Variants in MED26 observed in about 807,000 individuals in gnomAD.
The protein encoded by MED26 is mediator of RNA polymerase II transcription subunit 26.
A neutral mutation model predicts 43.7 loss-of-function variants in MED26; 7 were observed. That is an observed-to-expected ratio of 0.16 (90% CI 0.09 to 0.30). The LOEUF (loss-of-function observed/expected upper bound fraction) is 0.30, where lower values mean the gene tolerates loss of function less well. Among genes scored for constraint, MED26 ranks in the 10% least tolerant of loss-of-function variants. MED26 has a pLI of 1.00. For missense variants in MED26, 784 were observed against 840.6 expected (o/e 0.93, Z 0.83); for synonymous variants, 375 against 371.1 (o/e 1.01, Z -0.12).
intron 1 of MED26, among the ~76,000 whole-genome samples, chr19:16,584,252 C>CA (rs1017802282): frequency 4.8e-5 from 6 of 124,780 alleles, no homozygotes; most frequent in Admixed American, 8.6e-5. Context: ...GACTCCGTCT[C>CA]AAAAAAAAGA....
At chr19:16,578,201 G>T (rs751954141) in intron 2 of MED26, 134 bp downstream of exon 2, 2 of 854,464 alleles carry the variant, frequency 2.3e-6, no homozygotes, top group Non-Finnish European at 3.9e-6. Flanking sequence ...GGCACGAGCT[G>T]TGAGGGCACA....
intron 1 of MED26, among the ~76,000 whole-genome samples, chr19:16,610,009 G>A (rs900361328): frequency 1.4e-4 from 21 of 149,690 alleles, no homozygotes; most frequent in Non-Finnish European, 1.9e-4. Context: ...GGGTGTGGTC[G>A]CTCACACATG....
chr19:16,603,189 C>T (rs1370857773), intron 1 of MED26, among the ~76,000 whole-genome samples: 5 of 152,158 alleles, frequency 3.3e-5, no homozygotes, highest in African/African-American at 1.2e-4. Context: ...AATAAATGGA[C>T]AGGGCAGCCA....
chr19:16,590,546 G>C (rs1428124032), intron 1 of MED26, among the ~76,000 whole-genome samples: 1 of 152,084 alleles, frequency 6.6e-6, no homozygotes, highest in Admixed American at 6.5e-5. Flanking sequence ...TGATTATAAG[G>C]CTTTTCATTT....
chr19:16,608,895 T>C (rs1002240181), intron 1 of MED26, among the ~76,000 whole-genome samples: 1 of 152,208 alleles, frequency 6.6e-6, no homozygotes, highest in African/African-American at 2.4e-5. Context: ...CAATTAAACT[T>C]AAAAAGCGTG....
chr19:16,579,062 C>G (rs2086029576), intron 1 of MED26, among the ~76,000 whole-genome samples: 1 of 152,132 alleles, frequency 6.6e-6, no homozygotes, highest in African/African-American at 2.4e-5. Context: ...GACCACACCA[C>G]TGCACTCCAG....
At chr19:16,584,085 CAT>C (rs2086058934) in intron 1 of MED26, among the ~76,000 whole-genome samples, 3 of 152,110 alleles carry the variant, frequency 2.0e-5, no homozygotes, top group East Asian at 3.9e-4. Flanking sequence ...CATCCTTCCA[CAT>C]GAGAACTTAA....
chr19:16,578,795 C>T (rs192372501), intron 1 of MED26: 32 of 215,716 alleles, frequency 1.5e-4, no homozygotes, highest in Non-Finnish European at 2.6e-4. Flanking sequence ...GAATAAAATC[C>T]ACAAAGCTTA....
rs1186717267 is a variant in MED26, at chr19:16,575,914, A to G, written c.*113T>C. On this transcript the variant is annotated 3_prime_UTR_variant, in exon 3 of 3. Coordinates refer to ENST00000263390, the MANE Select transcript of MED26 (RefSeq NM_004831.5). ...GCCCCCTCCCTCCCGCCTGGGCCGG[A>G]CTCCCCGAGTTCCCAGCGCAGGAGG... The G allele has an allele frequency of 3.5e-6, 3 of 859,360 alleles. No homozygotes were observed. The highest frequency in any genetic ancestry group is 5.4e-6 in the Non-Finnish European group (3 of 558,824). 53.2% of individuals were successfully genotyped at this position (859,360 alleles called of 1,614,324 possible). A position where few individuals can be genotyped will look rare whatever the true frequency, so the allele number is the denominator to read the frequency against.
intron 1 of MED26, among the ~76,000 whole-genome samples, chr19:16,592,446 T>G (rs1299121578): frequency 6.6e-6 from 1 of 152,142 alleles, no homozygotes; most frequent in Non-Finnish European, 1.5e-5. Flanking sequence ...TCCAGGCTGG[T>G]GGGGGACGTA....
At chr19:16,622,730 T>C (rs1044359470) in intron 1 of MED26, among the ~76,000 whole-genome samples, 1 of 152,134 alleles carries the variant, frequency 6.6e-6, no homozygotes, top group Non-Finnish European at 1.5e-5. Flanking sequence ...TGGGACAGCC[T>C]ACCACTAGGA....
intron 1 of MED26, among the ~76,000 whole-genome samples, chr19:16,605,462 T>C (rs930604868): frequency 1.8e-4 from 27 of 151,880 alleles, no homozygotes; most frequent in Non-Finnish European, 3.7e-4. Context: ...ACAACGCCCA[T>C]GGAAAGGGGA....
chr19:16,578,486 T>G (rs1382138303), intron 1 of MED26, 77 bp from the exon 2 acceptor site: 1 of 1,354,874 alleles, frequency 7.4e-7, no homozygotes, highest in East Asian at 2.4e-5. Flanking sequence ...CCCAGCCTGC[T>G]CCAGTCTCTC....
At position 16,575,003 on chromosome 19, in the gene MED26, G is replaced by A. The variant is rs536038310; in HGVS notation, c.*1024C>T. The A allele has an allele frequency of 2.0e-4, 31 of 151,668 alleles. No individual in the cohort carries two copies. The highest frequency in any genetic ancestry group is 7.3e-4 in the African/African-American group (30 of 41,128). 9.4% of individuals were successfully genotyped at this position (151,668 alleles called of 1,614,324 possible). The stretch of plus-strand genomic sequence containing the variant: ...AAATAGCAAAGTTGCTCCCTTCTGC[G>A]TCCTGAGAACACAGAAGTCTAGGTA... On this transcript the variant is annotated 3_prime_UTR_variant, in exon 3 of 3. Transcript: ENST00000263390.
intron 1 of MED26, among the ~76,000 whole-genome samples, chr19:16,617,560 G>GAC (rs1230323976): frequency 6.6e-6 from 1 of 152,204 alleles, no homozygotes; most frequent in African/African-American, 2.4e-5. Flanking sequence ...CGGACACACA[G>GAC]ACACACACAC....
rs1377944254 is a variant in MED26, at chr19:16,575,274, AG to A, written c.*752del. The A allele has an allele frequency of 6.5e-6, 1 of 152,700 alleles. No homozygotes were observed. The highest frequency in any genetic ancestry group is 1.5e-5 in the Non-Finnish European group (1 of 68,046). The allele number at this position is 152,700 out of a possible 1,614,324, so 9.5% of individuals were successfully genotyped here. ...GGGAAAAAAGAAAAGGGAGGAAGAA[AG>A]GAAAGGTTTTTTTGTCTGGTGGTCT... is the stretch of plus-strand genomic sequence containing the variant. On this transcript the variant is annotated 3_prime_UTR_variant, in exon 3 of 3. Transcript: ENST00000263390.
rs187705544 is a variant in MED26 at position 16,619,639 on chromosome 19, C to T, written c.72+8233G>A. Among the ~76,000 whole-genome samples, 9 of 152,246 alleles carry T rather than the reference C, an allele frequency of 5.9e-5. No individual in the cohort carries two copies. The East Asian group carries it at 1.7e-3, about 29-fold the overall frequency. Reference sequence around the variant, plus strand: ...GCCAGGGCCTGGGAGTGCTGCCAGCCCACTGGGCTCTCGGTGTGGGCCATG... The same window carrying T: ...GCCAGGGCCTGGGAGTGCTGCCAGCTCACTGGGCTCTCGGTGTGGGCCATG... On this transcript the variant is annotated intron_variant, in intron 1 of 2. Transcript: ENST00000263390.
rs537383481 is a variant in MED26, at chr19:16,580,650, C to T, written c.73-2241G>A. Among the ~76,000 whole-genome samples the T allele has an allele frequency of 4.6e-5, 7 of 152,178 alleles. No individual in the cohort carries two copies. The South Asian group carries it at 8.3e-4, about 18-fold the overall frequency. ...CCTCCCAAAGTGCTGGGATTACAAGCGTGAGCCACTGCACCCGGCCCAGAG... is the reference window on the plus strand; with the variant it reads ...CCTCCCAAAGTGCTGGGATTACAAGTGTGAGCCACTGCACCCGGCCCAGAG... On this transcript the variant is annotated intron_variant, in intron 1 of 2. Coordinates refer to ENST00000263390, the MANE Select transcript of MED26 (RefSeq NM_004831.5).
intron 1 of MED26, among the ~76,000 whole-genome samples, chr19:16,591,092 T>TAAAG (rs1568282945): frequency 7.8e-6 from 1 of 128,364 alleles, no homozygotes; most frequent in African/African-American, 2.8e-5. Flanking sequence ...AATAAATAAA[T>TAAAG]AAAGCTATTA....
Sources: allele counts gnomAD v4.1 joint callset (sites outside exome capture counted in the v4.1 genomes callset), GRCh38; gene constraint gnomAD v4.1.1; transcripts MANE v1.5; gene names NCBI Gene and HGNC (gene_info 2026-07-23, HGNC 2026-07-21).